Variants in LYRM4 observed in about 807,000 individuals in gnomAD.
LYRM4 encodes LYR motif-containing protein 4.
Under a neutral mutation model 11.7 loss-of-function variants are expected in LYRM4, and 9 were observed. That is an observed-to-expected ratio of 0.77 (90% CI 0.46 to 1.34). The LOEUF (loss-of-function observed/expected upper bound fraction) is 1.34. Ranked by LOEUF, LYRM4 falls within the 40% of genes most tolerant of loss-of-function variation. The pLI, the probability that LYRM4 is intolerant of heterozygous loss-of-function variation, is 0.00. For synonymous variants in LYRM4, 42 were observed against 40.4 expected (o/e 1.04, Z -0.15); for missense variants, 133 against 112.5 (o/e 1.18, Z -0.82).
downstream of LYRM4, chr6:5,102,726 C>G (rs565926733): frequency 1.3e-5 from 2 of 152,312 alleles, no homozygotes; most frequent in South Asian, 4.1e-4. Context: ...GCCTCATGAA[C>G]AACACGGGCC....
chr6:5,041,479 C>A, the LYRM4 span, among the ~76,000 whole-genome samples: 111,085 of 152,168 alleles, frequency 0.73, 41,328 homozygotes, highest in East Asian at 0.95. Context: ...ATTTGCTCCA[C>A]CAGCTTACTA....
chr6:5,076,930 G>T, the LYRM4 span, among the ~76,000 whole-genome samples: 1 of 152,144 alleles, frequency 6.6e-6, no homozygotes, highest in Non-Finnish European at 1.5e-5. Context: ...ACCACTCAAG[G>T]TGATACAATA....
the LYRM4 span, chr6:5,085,521 G>A: frequency 1.3e-6 from 2 of 1,538,178 alleles, no homozygotes; most frequent in South Asian, 1.2e-5. Context: ...GTTTGGAGGC[G>A]CCGGGACCAG....
chr6:5,038,989 G>A, the LYRM4 span, among the ~76,000 whole-genome samples: 1 of 151,782 alleles, frequency 6.6e-6, no homozygotes. Flanking sequence ...CTGGATGAAC[G>A]GCCACACCTG....
chr6:5,091,118 T>C, the LYRM4 span, among the ~76,000 whole-genome samples: 1 of 152,212 alleles, frequency 6.6e-6, no homozygotes, highest in Non-Finnish European at 1.5e-5. Context: ...CACGGATTAT[T>C]TGCAGTCCAG....
chr6:5,252,724 A>G (rs1764492136), intron 1 of LYRM4, among the ~76,000 whole-genome samples: 1 of 152,176 alleles, frequency 6.6e-6, no homozygotes, highest in Non-Finnish European at 1.5e-5. Flanking sequence ...TCCTCCTGGA[A>G]AGCTTTACCC....
chr6:5,122,206 T>C (rs1581319671), intron 2 of LYRM4, among the ~76,000 whole-genome samples: 1 of 152,186 alleles, frequency 6.6e-6, no homozygotes, highest in Non-Finnish European at 1.5e-5. Flanking sequence ...GCCTGTCACC[T>C]TCATCCGGTG....
At chr6:5,257,344 TCACCCCTTGGGAGGCCTTCTAGATTC>T (rs1764726570) in intron 1 of LYRM4, among the ~76,000 whole-genome samples, 1 of 152,152 alleles carries the variant, frequency 6.6e-6, no homozygotes, top group Non-Finnish European at 1.5e-5. Context: ...TGATCCAACA[TCACCCCTTGGGAGGCCTTCTAGATTC>T]CACACCTTGT....
chr6:5,195,589 G>GCA (rs1461241940), intron 2 of LYRM4, among the ~76,000 whole-genome samples: 1 of 152,190 alleles, frequency 6.6e-6, no homozygotes, highest in East Asian at 1.9e-4. Flanking sequence ...AGCTGAGATA[G>GCA]CGCCACTGCA....
At chr6:5,179,807 G>A (rs559198124) in intron 2 of LYRM4, among the ~76,000 whole-genome samples, 1 of 152,228 alleles carries the variant, frequency 6.6e-6, no homozygotes, top group East Asian at 1.9e-4. Context: ...GCATCCTATG[G>A]TAATGCTGTG....
intron 2 of LYRM4, among the ~76,000 whole-genome samples, chr6:5,182,667 G>A (rs1009560847): frequency 2.6e-5 from 4 of 152,186 alleles, no homozygotes; most frequent in East Asian, 1.9e-4. Flanking sequence ...TCAGAACTAC[G>A]AGCCTGAATA....
intron 1 of LYRM4, among the ~76,000 whole-genome samples, chr6:5,256,988 T>A (rs1450172476): frequency 6.6e-6 from 1 of 152,162 alleles, no homozygotes; most frequent in African/African-American, 2.4e-5. Flanking sequence ...AAATACAACA[T>A]TCTTCTCTAT....
intron 2 of LYRM4, among the ~76,000 whole-genome samples, chr6:5,169,557 G>A (rs555489790): frequency 3.9e-5 from 6 of 152,220 alleles, no homozygotes; most frequent in East Asian, 3.9e-4. Flanking sequence ...GTGAGTAGGC[G>A]AATTTATAAA....
the LYRM4 span, among the ~76,000 whole-genome samples, chr6:5,092,443 GGCTCACGCCTGTAATCCCA>G: frequency 6.6e-6 from 1 of 152,134 alleles, no homozygotes; most frequent in African/African-American, 2.4e-5. Context: ...CGGGTGTGGT[GGCTCACGCCTGTAATCCCA>G]GCACTTTCGG....
At chr6:5,133,248 TTTC>T (rs1764037321) in intron 2 of LYRM4, among the ~76,000 whole-genome samples, 1 of 152,200 alleles carries the variant, frequency 6.6e-6, no homozygotes, top group African/African-American at 2.4e-5. Context: ...GATCGATCGT[TTTC>T]TTCTTAGGTT....
chr6:5,080,423 C>T, the LYRM4 span, among the ~76,000 whole-genome samples: 1 of 152,232 alleles, frequency 6.6e-6, no homozygotes, highest in Admixed American at 6.5e-5. Context: ...CCATGTGCCC[C>T]TGGAAGAGCA....
intron 1 of LYRM4, among the ~76,000 whole-genome samples, chr6:5,238,851 C>T (rs1171966776): frequency 6.6e-6 from 1 of 152,162 alleles, no homozygotes; most frequent in African/African-American, 2.4e-5. Context: ...AGGTCTTGGA[C>T]ACAGTTATTC....
At chr6:5,196,885 C>T (rs1305041485) in intron 2 of LYRM4, among the ~76,000 whole-genome samples, 2 of 152,320 alleles carry the variant, frequency 1.3e-5, no homozygotes, top group Non-Finnish European at 2.9e-5. Context: ...CTGAAGCTAT[C>T]TGTGGGCATG....
At chr6:5,241,802 T>G (rs985204489) in intron 1 of LYRM4, among the ~76,000 whole-genome samples, 7 of 152,194 alleles carry the variant, frequency 4.6e-5, no homozygotes, top group African/African-American at 1.7e-4. Flanking sequence ...AAAAAGTTCC[T>G]GTCCACAAGG....
Sources: gnomAD v4.1 joint callset for allele counts (sites outside exome capture counted in the v4.1 genomes callset) on GRCh38, gnomAD v4.1.1 for gene constraint, MANE v1.5 for transcripts, NCBI Gene and HGNC (gene_info 2026-07-23, HGNC 2026-07-21) for gene names.